Variants in THADA observed in about 807,000 individuals in gnomAD.
THADA encodes the protein THADA armadillo repeat containing, also known as tRNA (32-2'-O)-methyltransferase regulator THADA.
Under a neutral mutation model 219.8 loss-of-function variants are expected in THADA, and 213 were observed. That is an observed-to-expected ratio of 0.97 (90% CI 0.87 to 1.09). THADA has a LOEUF of 1.09. THADA is among the 50% of genes least tolerant of loss of function. THADA has a pLI of 0.00. For missense variants in THADA, 2,956 were observed against 2,311.3 expected, an observed-to-expected ratio of 1.28 and a Z score of -5.72; for synonymous variants, 1,018 against 828.9, an observed-to-expected ratio of 1.23 and a Z score of -3.92.
chr2:43,429,145 T>A (rs1426150369), intron 27 of THADA, among the ~76,000 whole-genome samples: 1 of 152,076 alleles, frequency 6.6e-6, no homozygotes, highest in Non-Finnish European at 1.5e-5. Context: ...TATTTTTCTG[T>A]CACCCAAGCT....
intron 22 of THADA, among the ~76,000 whole-genome samples, chr2:43,525,118 A>C (rs1272791492): frequency 6.6e-6 from 1 of 152,178 alleles, no homozygotes; most frequent in African/African-American, 2.4e-5. Context: ...AAAACAAAAA[A>C]ACTTACTCAT....
At chr2:43,483,626 G>A (rs1686518319) in intron 26 of THADA, among the ~76,000 whole-genome samples, 1 of 151,910 alleles carries the variant, frequency 6.6e-6, no homozygotes, top group South Asian at 2.1e-4. Context: ...TTATAATGGA[G>A]GTTTCCATCA....
intron 21 of THADA, among the ~76,000 whole-genome samples, chr2:43,528,434 T>A (rs1266698426): frequency 6.6e-6 from 1 of 152,146 alleles, no homozygotes. Flanking sequence ...CCAGCCATTT[T>A]AAGTATTTTT....
At chr2:43,437,928 A>G (rs1484860970) in intron 26 of THADA, among the ~76,000 whole-genome samples, 1 of 152,202 alleles carries the variant, frequency 6.6e-6, no homozygotes, top group Non-Finnish European at 1.5e-5. Context: ...AAATAATATA[A>G]AAATGGACAC....
At chr2:43,383,303 A>G (rs1296359602) in intron 29 of THADA, among the ~76,000 whole-genome samples, 1 of 152,376 alleles carries the variant, frequency 6.6e-6, no homozygotes, top group Admixed American at 6.5e-5. Flanking sequence ...GAGACAGTGC[A>G]TAAGTAAGGC....
chr2:43,527,122 G>C (rs1214870105), intron 22 of THADA, among the ~76,000 whole-genome samples: 1 of 152,142 alleles, frequency 6.6e-6, no homozygotes, highest in Non-Finnish European at 1.5e-5. Flanking sequence ...TCAAGGAATA[G>C]ATGTCTTAAC....
At chr2:43,386,890 T>G (rs1672755753) in intron 29 of THADA, among the ~76,000 whole-genome samples, 1 of 136,002 alleles carries the variant, frequency 7.4e-6, no homozygotes, top group Non-Finnish European at 1.6e-5. Context: ...AGAGTGAGAT[T>G]TCCTCTCAAA....
chr2:43,524,042 A>G (rs1267722685), intron 22 of THADA, among the ~76,000 whole-genome samples: 1 of 152,228 alleles, frequency 6.6e-6, no homozygotes, highest in Non-Finnish European at 1.5e-5. Flanking sequence ...AAAAAGTTGA[A>G]TTTAGAGTTT....
At chr2:43,266,807 C>G (rs1671576850) in intron 36 of THADA, among the ~76,000 whole-genome samples, 1 of 152,114 alleles carries the variant, frequency 6.6e-6, no homozygotes, top group South Asian at 2.1e-4. Flanking sequence ...AGAATCGCGA[C>G]ACTTAACCAG....
intron 31 of THADA, among the ~76,000 whole-genome samples, chr2:43,297,529 T>G (rs1357068149): frequency 2.5e-5 from 2 of 79,182 alleles, no homozygotes; most frequent in East Asian, 7.7e-4. Flanking sequence ...CGGCCAGCCG[T>G]GCCGTCCGGG....
At chr2:43,322,880 G>T (rs1349378349) in intron 30 of THADA, among the ~76,000 whole-genome samples, 2 of 151,584 alleles carry the variant, frequency 1.3e-5, no homozygotes, top group African/African-American at 4.8e-5. Context: ...TAGAGACGGG[G>T]TTTCACCGTG....
At chr2:43,318,558 C>T (rs1573043317) in intron 31 of THADA, among the ~76,000 whole-genome samples, 1 of 152,096 alleles carries the variant, frequency 6.6e-6, no homozygotes, top group East Asian at 1.9e-4. Flanking sequence ...ACATCTCAAG[C>T]GCTCAAGATC....
rs1284599201 is a variant in THADA, at chr2:43,296,448, G to T, written c.4439-3235C>A. On this transcript the variant is annotated intron_variant, in intron 31 of 37. Coordinates refer to ENST00000405975, the MANE Select transcript of THADA (RefSeq NM_022065.5). ...ACGCCACCACACCCAGCTAATTTTT[G>T]TATTTTTAGTAGAGACAGGGTTTCA... Among the ~76,000 whole-genome samples, 3 of 151,636 alleles carry T rather than the reference G, an allele frequency of 2.0e-5. No homozygotes were observed. In the East Asian group the frequency reaches 5.8e-4, roughly 30 times the overall value.
At chr2:43,404,986 C>T (rs1202755708) in intron 28 of THADA, among the ~76,000 whole-genome samples, 1 of 152,162 alleles carries the variant, frequency 6.6e-6, no homozygotes, top group Non-Finnish European at 1.5e-5. Context: ...TTGTTTTTCT[C>T]TAGTGTTCTT....
intron 31 of THADA, among the ~76,000 whole-genome samples, chr2:43,299,083 C>A (rs904316648): frequency 5.3e-5 from 8 of 152,016 alleles, no homozygotes; most frequent in African/African-American, 1.4e-4. Flanking sequence ...ATAAGATCAC[C>A]TTCCGGTTAT....
At position 43,419,192 on chromosome 2, in the gene THADA, C is replaced by T. The variant is rs187710369; in HGVS notation, c.4058+8908G>A. On this transcript the variant is annotated intron_variant, in intron 28 of 37. Coordinates refer to ENST00000405975, the MANE Select transcript of THADA (RefSeq NM_022065.5). ...GCACAAAGTAGGCCCTCAGTAAATA[C>T]ACTTAATGGAAGGATGAACTGGTGA... Among the ~76,000 whole-genome samples, 506 of 152,230 alleles carry T rather than the reference C, an allele frequency of 3.3e-3. 7 individuals carry two copies. Among genetic ancestry groups the T allele is most frequent in the Non-Finnish European group, 7.2e-4 (49 of 68,012 alleles).
intron 25 of THADA, among the ~76,000 whole-genome samples, chr2:43,494,464 T>C (rs1688024188): frequency 6.6e-6 from 1 of 152,230 alleles, no homozygotes; most frequent in Admixed American, 6.5e-5. Flanking sequence ...GTACCTTCTT[T>C]GTATTCTTAA....
chr2:43,486,841 G>C (rs1686979087), intron 25 of THADA, among the ~76,000 whole-genome samples: 1 of 152,018 alleles, frequency 6.6e-6, no homozygotes, highest in South Asian at 2.1e-4. Flanking sequence ...GGAAATTAAA[G>C]GAAAAAAAGA....
At chr2:43,535,674 T>TCAAAA (rs1694486284) in intron 21 of THADA, among the ~76,000 whole-genome samples, 1 of 37,380 alleles carries the variant, frequency 2.7e-5, no homozygotes, top group Non-Finnish European at 4.4e-5. Context: ...ACAGCGAGAC[T>TCAAAA]CAAAAAAAAA....
Sources: allele counts gnomAD v4.1 joint callset (sites outside exome capture counted in the v4.1 genomes callset), GRCh38; gene constraint gnomAD v4.1.1; transcripts MANE v1.5; gene names NCBI Gene and HGNC (gene_info 2026-07-23, HGNC 2026-07-21).